Variants in HPS3 observed in about 807,000 individuals in gnomAD.
HPS3 encodes BLOC-2 complex member HPS3.
HPS3 carries 79 observed loss-of-function variants against 110.9 expected under a neutral mutation model. The observed-to-expected ratio is 0.71, with a 90% CI of 0.59 to 0.86. HPS3 has a LOEUF of 0.86. Among genes scored for constraint, HPS3 ranks in the 40% least tolerant of loss-of-function variants. The pLI, the probability that HPS3 is intolerant of heterozygous loss-of-function variation, is 0.00. For missense variants in HPS3, 1,197 were observed against 1,206.2 expected (o/e 0.99, Z 0.11); for synonymous variants, 428 against 451.0 (o/e 0.95, Z 0.65).
chr3:149,155,259 G>A lies in HPS3; in HGVS notation c.1509+44G>A, dbSNP rs1325372939. The stretch of plus-strand genomic sequence containing the variant: ...TGATTCTTGTTTGTAGATATTTAGA[G>A]TGAAATTAATGATCAGAAATTGATT... On this transcript the variant is annotated intron_variant, in intron 8 of 16. Coordinates refer to ENST00000296051, the MANE Select transcript of HPS3 (RefSeq NM_032383.5). 10 of 1,078,760 alleles carry A rather than the reference G, an allele frequency of 9.3e-6. No individual in the cohort carries two copies. In the East Asian group the frequency reaches 1.4e-4, roughly 15 times the overall value. 66.8% of individuals were successfully genotyped at this position (1,078,760 alleles called of 1,614,324 possible).
At chr3:149,163,214 A>T (rs1379946414) in intron 13 of HPS3, among the ~76,000 whole-genome samples, 3 of 152,232 alleles carry the variant, frequency 2.0e-5, no homozygotes, top group Admixed American at 6.5e-5. Flanking sequence ...GGAACATAAG[A>T]GAGAAGACAT....
chr3:149,152,770 A>G (rs1249426047), intron 6 of HPS3, among the ~76,000 whole-genome samples: 2 of 152,230 alleles, frequency 1.3e-5, no homozygotes, highest in South Asian at 2.1e-4. Context: ...TCAAAACAGC[A>G]TGCATGGACA....
At chr3:149,135,482 C>T (rs953662020) in intron 1 of HPS3, among the ~76,000 whole-genome samples, 1 of 152,224 alleles carries the variant, frequency 6.6e-6, no homozygotes, top group African/African-American at 2.4e-5. Context: ...TTCCCCTACC[C>T]ACACTTATTT....
Position 149,141,625 on chromosome 3 carries a change from C to G in HPS3, c.970+245C>G, listed in dbSNP as rs562116079. 4.9e-3 allele frequency among the ~76,000 whole-genome samples: 741 copies of G among 149,758 alleles called. 2 individuals are homozygous for G. Among genetic ancestry groups the G allele is most frequent in the Middle Eastern group, 0.017 (5 of 294 alleles). ...CTCGGCTCACTGCAACTTCTACTTC[C>G]TGGGTTCAAGTGATTCTCCTGCCTC... On this transcript the variant is annotated intron_variant, in intron 4 of 16. Coordinates refer to ENST00000296051, the MANE Select transcript of HPS3 (RefSeq NM_032383.5).
chr3:149,133,279 T>G (rs540042236), intron 1 of HPS3, among the ~76,000 whole-genome samples: 1 of 152,050 alleles, frequency 6.6e-6, no homozygotes, highest in Non-Finnish European at 1.5e-5. Context: ...CTTAATTGTT[T>G]TATTTTTTTA....
chr3:149,167,827 A>T (rs961639247), intron 15 of HPS3, 66 bp from the exon 16 acceptor site: 1 of 958,982 alleles, frequency 1.0e-6, no homozygotes, highest in African/African-American at 1.6e-5. Flanking sequence ...CAATCTTCTT[A>T]TTCTCCTTTG....
chr3:149,138,256 G>T (rs1722236518), intron 1 of HPS3, among the ~76,000 whole-genome samples: 1 of 152,212 alleles, frequency 6.6e-6, no homozygotes, highest in Non-Finnish European at 1.5e-5. Flanking sequence ...CCCAGTGAAT[G>T]TCTGCAGAAA....
Position 149,153,605 on chromosome 3 carries a change from C to A in HPS3, c.1357C>A (p.Pro453Thr). 15 of 1,614,172 alleles carry A rather than the reference C, an allele frequency of 9.3e-6. No homozygotes were observed. Among genetic ancestry groups the A allele is most frequent in the Non-Finnish European group, 1.3e-5 (15 of 1,180,002 alleles). The change falls in exon 7 of 17, where the codon CCT becomes ACT. Residue 453 changes from proline (P) to threonine (T), a missense_variant. Transcript: ENST00000296051. ...NHIILLTKAE[P>T]EAIPERRQSP... is the part of the protein sequence containing the mutation. ...CATCATACTTTTGACTAAAGCAGAA[C>A]CTGAAGCCATTCCAGAGAGAAGACA...
Position 149,155,105 on chromosome 3 carries a change from A to T in HPS3, c.1401-2A>T, listed in dbSNP as rs746853298. The T allele has an allele frequency of 6.5e-7, 1 of 1,541,860 alleles. No individual in the cohort carries two copies. Among genetic ancestry groups the T allele is most frequent in the Non-Finnish European group, 9.0e-7 (1 of 1,114,136 alleles). On this transcript the variant is annotated splice_acceptor_variant, in intron 7 of 16. Coordinates refer to ENST00000296051, the MANE Select transcript of HPS3 (RefSeq NM_032383.5). LOFTEE classifies it high-confidence loss of function. ...AATTCTTGTCCTTTGTTTTGCTTTTAGTTCGAGAAAAGATACCAGTGTTAA... is the reference window on the plus strand; with the variant it reads ...AATTCTTGTCCTTTGTTTTGCTTTTTGTTCGAGAAAAGATACCAGTGTTAA...
chr3:149,145,221 T>C, intron 4 of HPS3, 133 bp from the exon 5 acceptor site: 1 of 703,404 alleles, frequency 1.4e-6, no homozygotes, highest in Non-Finnish European at 2.5e-6. Flanking sequence ...CATTCTTCTA[T>C]AAAGAGCAAC....
At chr3:149,157,684 T>C (rs193263652) in intron 9 of HPS3, among the ~76,000 whole-genome samples, 153 bp downstream of exon 9, 1 of 152,302 alleles carries the variant, frequency 6.6e-6, no homozygotes, top group Non-Finnish European at 1.5e-5. Flanking sequence ...CATACTCTGT[T>C]AGGCACTGTG....
At chr3:149,154,864 C>G (rs1327157551) in intron 7 of HPS3, among the ~76,000 whole-genome samples, 1 of 152,192 alleles carries the variant, frequency 6.6e-6, no homozygotes, top group Non-Finnish European at 1.5e-5. Flanking sequence ...TTTGAGAATA[C>G]TTGCAGAGTG....
In HPS3 at chr3:149,172,100, T is replaced by C; in HGVS notation, c.2893T>C (p.Leu965=). 6.2e-7 allele frequency: 1 copy of C among 1,612,664 alleles called. No individual in the cohort carries two copies. Among genetic ancestry groups the C allele is most frequent in the Non-Finnish European group, 8.5e-7 (1 of 1,178,792 alleles). The change falls in exon 17 of 17, where the codon TTG becomes CTG. Residue 965 remains leucine (L), a synonymous_variant. Coordinates refer to ENST00000296051, the MANE Select transcript of HPS3 (RefSeq NM_032383.5). The stretch of plus-strand genomic sequence containing the variant: ...AGATATTCTTTTCTACACAGAAACA[T>C]TGTCAATTGTTGCTGTGGAACTAGA... The part of the protein sequence containing the change: ...QLYLSSLKET[L]SIVAVELELK...
intron 1 of HPS3, among the ~76,000 whole-genome samples, chr3:149,131,526 T>C (rs984851893): frequency 6.6e-6 from 1 of 152,208 alleles, no homozygotes; most frequent in South Asian, 2.1e-4. Flanking sequence ...TGGGGTGCCA[T>C]GAACTGTGCC....
At chr3:149,160,360 T>G (rs1331566260) in intron 11 of HPS3, 81 bp downstream of exon 11, 10 of 903,664 alleles carry the variant, frequency 1.1e-5, no homozygotes, top group Non-Finnish European at 1.6e-5. Context: ...TTCTGGCTTC[T>G]TTCTAGCTTA....
rs558568075 is a variant in HPS3, at chr3:149,170,435, C to T, written c.2888-1660C>T. On this transcript the variant is annotated intron_variant, in intron 16 of 16. Transcript: ENST00000296051. Reference sequence around the variant, plus strand: ...GTTAGTAGTTGCTGTTTATTAAGGTCTGATTTTATGTCAGATGTGCATCAT... The same window carrying T: ...GTTAGTAGTTGCTGTTTATTAAGGTTTGATTTTATGTCAGATGTGCATCAT... 3 of 152,286 alleles carry T rather than the reference C, an allele frequency of 2.0e-5. No individual in the cohort carries two copies. In the South Asian group the frequency reaches 6.2e-4, roughly 32 times the overall value. 9.4% of individuals were successfully genotyped at this position (152,286 alleles called of 1,614,324 possible). A position where few individuals can be genotyped will look rare whatever the true frequency, so the allele number is the denominator to read the frequency against.
rs1294444918 is a variant in HPS3, at chr3:149,162,034, AATT to A, written c.2107-109_2107-107del. 5.8e-6 allele frequency: 5 copies of A among 859,352 alleles called. No homozygotes were observed. The Admixed American group carries it at 1.1e-4, about 19-fold the overall frequency. 53.2% of individuals were successfully genotyped at this position (859,352 alleles called of 1,614,324 possible). On this transcript the variant is annotated intron_variant, in intron 11 of 16. Transcript: ENST00000296051. ...ATAGTCAAAGAAAAAATTGTGATTA[AATT>A]ATTAATAGCTTAACCATGCATTGTG...
intron 8 of HPS3, among the ~76,000 whole-genome samples, chr3:149,155,441 T>C (rs1372840652): frequency 1.3e-5 from 2 of 152,192 alleles, no homozygotes; most frequent in African/African-American, 4.8e-5. Context: ...CCCTTATTCA[T>C]ACCCACTCTC....
At chr3:149,168,299 C>T in intron 16 of HPS3, 1 of 301,224 alleles carries the variant, frequency 3.3e-6, no homozygotes, top group Non-Finnish European at 6.3e-6. Flanking sequence ...TATCAATGAT[C>T]AGAGTACTTA....
Sources: gnomAD v4.1 joint callset for allele counts (sites outside exome capture counted in the v4.1 genomes callset) on GRCh38, gnomAD v4.1.1 for gene constraint, MANE v1.5 for transcripts, NCBI Gene and HGNC (gene_info 2026-07-23, HGNC 2026-07-21) for gene names.